Variants in HELZ observed in about 807,000 individuals in gnomAD.
HELZ encodes ATP-dependent RNA helicase with zinc finger domain.
Under a neutral mutation model 218.2 loss-of-function variants are expected in HELZ, and 23 were observed. That is an observed-to-expected ratio of 0.11 (90% CI 0.08 to 0.15). The LOEUF (loss-of-function observed/expected upper bound fraction) is 0.15, where lower values mean the gene tolerates loss of function less well. HELZ is among the 10% of genes least tolerant of loss of function. The pLI, the probability that HELZ is intolerant of heterozygous loss-of-function variation, is 1.00. For missense variants in HELZ, 1,813 were observed against 2,353.7 expected (o/e 0.77, Z 4.75); for synonymous variants, 814 against 829.4 (o/e 0.98, Z 0.32).
chr17:67,128,588 C>T (rs2037876029), intron 24 of HELZ, 63 bp downstream of exon 24: 2 of 1,406,736 alleles, frequency 1.4e-6, no homozygotes, highest in South Asian at 1.2e-5. Flanking sequence ...CCCAATAAAC[C>T]TTTGGCACTT....
In HELZ at chr17:67,107,488, A is replaced by T; in HGVS notation, c.4922T>A (p.Ile1641Asn). Reference sequence around the variant, plus strand: ...AAATGCTGGGTTGCTGGCTACTTCAATGTCTCTGCTGTTATCATTAAAGTT... The same window carrying T: ...AAATGCTGGGTTGCTGGCTACTTCATTGTCTCTGCTGTTATCATTAAAGTT... ...FSNFNDNSRD[I>N]EVASNPAFPQ... The change falls in exon 31 of 33, where the codon ATT (isoleucine) becomes AAT (asparagine). Residue 1641 changes from isoleucine to asparagine, a missense_variant. Ile to Asn is a moderately radical substitution (Grantham distance 149). Transcript: ENST00000358691. The T allele has an allele frequency of 6.2e-7, 1 of 1,614,196 alleles. No individual in the cohort carries two copies. The highest frequency in any genetic ancestry group is 1.1e-5 in the South Asian group (1 of 91,084).
At chr17:67,225,719 A>G in intron 3 of HELZ, among the ~76,000 whole-genome samples, 1 of 152,200 alleles carries the variant, frequency 6.6e-6, no homozygotes, top group East Asian at 1.9e-4. Flanking sequence ...GCATCCTTCC[A>G]CAAAAGTCAA....
intron 32 of HELZ, among the ~76,000 whole-genome samples, chr17:67,079,230 A>G (rs2036110626): frequency 6.6e-6 from 1 of 152,212 alleles, no homozygotes; most frequent in Non-Finnish European, 1.5e-5. Context: ...CAATCTTTTA[A>G]AACTTTATGT....
chr17:67,079,196 C>G (rs2036109781), intron 32 of HELZ, among the ~76,000 whole-genome samples: 2 of 152,220 alleles, frequency 1.3e-5, no homozygotes, highest in South Asian at 4.1e-4. Flanking sequence ...CCATAGCTTG[C>G]TTTCAAATAA....
At chr17:67,120,783 T>C (rs963349871) in intron 26 of HELZ, among the ~76,000 whole-genome samples, 171 bp from the exon 27 acceptor site, 1 of 152,182 alleles carries the variant, frequency 6.6e-6, no homozygotes, top group Non-Finnish European at 1.5e-5. Context: ...ATACTAACAA[T>C]TGTGTCTTAA....
At position 67,108,535 on chromosome 17, in the gene HELZ, G is replaced by T; in HGVS notation, c.4681C>A (p.Leu1561Ile). The change falls in exon 30 of 33, where the codon CTC becomes ATC. Residue 1561 changes from leucine to isoleucine, a missense_variant. Physicochemically the swap from Leu to Ile is conservative, Grantham distance 5 (BLOSUM62 2). Around this residue, in one of 4 missense-constraint regions of HELZ, gnomAD observed 938 missense variants for 1,027.5 expected, o/e 0.91. Transcript: ENST00000358691. This position sits in a 1 kb window ranked among gnomAD's most constrained non-coding sequence, Gnocchi z 4.1. Reference sequence around the variant, plus strand: ...ACTTCATCTTCGGCACTGCTGGTGAGCTTCCAGTCTGCCCTCACTGGCGGC... The same window carrying T: ...ACTTCATCTTCGGCACTGCTGGTGATCTTCCAGTCTGCCCTCACTGGCGGC... The part of the protein sequence containing the change: ...HQPPVRADWK[L>I]TSSAEDEVET... The T allele has an allele frequency of 6.2e-7, 1 of 1,614,136 alleles. No individual in the cohort carries two copies. The highest frequency in any genetic ancestry group is 1.1e-5 in the South Asian group (1 of 91,082).
chr17:67,101,135 T>C (rs1394266268), intron 31 of HELZ, among the ~76,000 whole-genome samples: 1 of 121,810 alleles, frequency 8.2e-6, no homozygotes, highest in Admixed American at 8.3e-5. Context: ...AAAGGAAAAA[T>C]AGAAGAAGAG....
intron 3 of HELZ, among the ~76,000 whole-genome samples, chr17:67,220,358 G>A (rs887080023): frequency 6.6e-6 from 1 of 152,200 alleles, no homozygotes; most frequent in Non-Finnish European, 1.5e-5. Flanking sequence ...GAAATAGCTA[G>A]GGAATGAGAT....
Position 67,148,648 on chromosome 17 carries a change from G to A in HELZ, c.2542C>T (p.Leu848Phe). 6.2e-7 allele frequency: 1 copy of A among 1,613,788 alleles called. No individual in the cohort carries two copies. Among genetic ancestry groups the A allele is most frequent in the Non-Finnish European group, 8.5e-7 (1 of 1,179,718 alleles). Residue 848 changes from leucine to phenylalanine, a missense_variant, in exon 20 of 33, where the codon CTC (leucine) becomes TTC (phenylalanine). Coordinates refer to ENST00000358691, the MANE Select transcript of HELZ (RefSeq NM_014877.4). The part of the protein sequence containing the change: ...RNLHVSLLDR[L>F]YEHYPAEFPC... The stretch of plus-strand genomic sequence containing the variant: ...AACTCAGCAGGGTAATGCTCATAGA[G>A]TCGGTCAAGTAATGAAACGTGAAGG...
intron 3 of HELZ, among the ~76,000 whole-genome samples, chr17:67,238,099 A>G: frequency 6.9e-6 from 1 of 144,874 alleles, no homozygotes; most frequent in Non-Finnish European, 1.5e-5. Flanking sequence ...TAATTCCAGC[A>G]CTTTGGGAGG....
intron 13 of HELZ, among the ~76,000 whole-genome samples, chr17:67,171,163 C>A (rs879549291): frequency 2.0e-5 from 3 of 152,032 alleles, no homozygotes; most frequent in Non-Finnish European, 4.4e-5. Context: ...CATCTCCCAT[C>A]TAAGCACCAA....
Position 67,114,422 on chromosome 17 carries a change from A to T in HELZ, c.3839-19T>A. On this transcript the variant is annotated intron_variant, in intron 27 of 32. Coordinates refer to ENST00000358691, the MANE Select transcript of HELZ (RefSeq NM_014877.4). ...CTTTTACCTAAGAAAATATTTAAAAATCCTTATAAGTTTTCTCCAGTGGAT... is the reference window on the plus strand; with the variant it reads ...CTTTTACCTAAGAAAATATTTAAAATTCCTTATAAGTTTTCTCCAGTGGAT... 1 of 1,482,998 alleles carries T rather than the reference A, an allele frequency of 6.7e-7. No individual in the cohort carries two copies. Among genetic ancestry groups the T allele is most frequent in the Non-Finnish European group, 9.4e-7 (1 of 1,062,532 alleles). 91.9% of individuals were successfully genotyped at this position (1,482,998 alleles called of 1,614,324 possible). A position where few individuals can be genotyped will look rare whatever the true frequency, so the allele number is the denominator to read the frequency against.
At chr17:67,149,080 G>C (rs1376296337) in intron 19 of HELZ, among the ~76,000 whole-genome samples, 1 of 152,192 alleles carries the variant, frequency 6.6e-6, no homozygotes, top group East Asian at 1.9e-4. Context: ...TATTTTAAAT[G>C]ATGAGCTGGT....
intron 12 of HELZ, 152 bp from the exon 13 acceptor site, chr17:67,179,078 T>G: frequency 1.8e-6 from 1 of 556,894 alleles, no homozygotes; most frequent in East Asian, 3.0e-5. Context: ...AAATACCCAT[T>G]GACTATTTCC....
rs2039812125 is a variant in HELZ, at chr17:67,188,323, T to G, written c.1158A>C (p.Thr386=). ...GGAAAAAAGTCTAAATATTACCTTCTGTAGAAGCTGCATCAATCATTACTC... is the reference window on the plus strand; with the variant it reads ...GGAAAAAAGTCTAAATATTACCTTCGGTAGAAGCTGCATCAATCATTACTC... ...MQRVMIDAAS[T]EDLEYLMHAK... is the part of the protein sequence containing the mutation. The change falls in exon 12 of 33, where the codon ACA becomes ACC. Residue 386 remains threonine, a synonymous_variant. Transcript: ENST00000358691. This position sits in a 1 kb window ranked among gnomAD's most constrained non-coding sequence, Gnocchi z 4.1. The G allele has an allele frequency of 1.2e-6, 2 of 1,606,482 alleles. No individual in the cohort carries two copies. Among genetic ancestry groups the G allele is most frequent in the Non-Finnish European group, 1.7e-6 (2 of 1,174,564 alleles).
At chr17:67,181,331 T>C (rs1187530406) in intron 12 of HELZ, among the ~76,000 whole-genome samples, 1 of 152,218 alleles carries the variant, frequency 6.6e-6, no homozygotes, top group Non-Finnish European at 1.5e-5. Context: ...AAAATGCTTT[T>C]TGATTCACCT....
rs1370889673 is a variant in HELZ at position 67,109,462 on chromosome 17, A to T, written c.4143T>A (p.Asn1381Lys). 6.2e-7 allele frequency: 1 copy of T among 1,614,134 alleles called. No individual in the cohort carries two copies. The highest frequency in any genetic ancestry group is 1.1e-5 in the South Asian group (1 of 91,078). The change falls in exon 29 of 33, where the codon AAT becomes AAA. Residue 1381 changes from asparagine (N) to lysine (K), a missense_variant. By Grantham distance (94) the Asn-to-Lys change is moderately conservative (BLOSUM62 0). Transcript: ENST00000358691. ...FPIPQQHTLL[N>K]QQQNNLPEQP... ...GTTCAGGCAAATTATTCTGCTGCTG[A>T]TTTAACAAGGTGTGCTGCTGTGGAA...
chr17:67,215,204 TC>T (rs2040564873), intron 5 of HELZ, among the ~76,000 whole-genome samples: 1 of 152,032 alleles, frequency 6.6e-6, no homozygotes, highest in South Asian at 2.1e-4. Flanking sequence ...TAGTCTCCTC[TC>T]TAAGAAAGAT....
intron 19 of HELZ, among the ~76,000 whole-genome samples, chr17:67,149,569 TA>T (rs1299078421): frequency 2.0e-5 from 3 of 152,264 alleles, no homozygotes; most frequent in Non-Finnish European, 2.9e-5. Flanking sequence ...AATGATCATT[TA>T]AATTTCACTT....
Sources: gnomAD v4.1 joint callset for allele counts (sites outside exome capture counted in the v4.1 genomes callset) on GRCh38, gnomAD v4.1.1 for gene constraint, gnomAD v4.1.1 regional missense constraint, Gnocchi (gnomAD v3.1) non-coding constraint, MANE v1.5 for transcripts, NCBI Gene and HGNC (gene_info 2026-07-23, HGNC 2026-07-21) for gene names.